The following COG5 variants were observed in gnomAD, a reference collection of about 807,000 sequenced individuals.
COG5 encodes the protein component of oligomeric golgi complex 5, also known as conserved oligomeric Golgi complex subunit 5.
COG5 carries 86 observed loss-of-function variants against 110.4 expected under a neutral mutation model. The ratio of observed to expected loss-of-function variants is 0.78; its 90% CI spans 0.65 to 0.93. The LOEUF is 0.93. Ranked by LOEUF, COG5 falls within the 40% of genes least tolerant of loss-of-function variation. COG5 has a pLI of 0.00. For synonymous variants in COG5, 360 were observed against 334.6 expected, an observed-to-expected ratio of 1.08 and a Z score of -0.83; for missense variants, 1,077 against 987.0, an observed-to-expected ratio of 1.09 and a Z score of -1.22.
chr7:107,385,986 TTTTG>T lies in COG5; in HGVS notation c.670-13230_670-13227del, dbSNP rs1200482477. On this transcript the variant is annotated intron_variant, in intron 7 of 21. Transcript: ENST00000297135. The stretch of plus-strand genomic sequence containing the variant: ...GTCTTTTGCCCAGCTTTAAACCAGG[TTTTG>T]TGTGTGTGTGTGTGTGTGTGTGTGT... Among the ~76,000 whole-genome samples the T allele has an allele frequency of 1.7e-4, 9 of 51,448 alleles. No individual in the cohort carries two copies. In the East Asian group the frequency reaches 3.9e-3, roughly 23 times the overall value. 33.8% of individuals were successfully genotyped at this position (51,448 alleles called of 152,430 possible).
intron 11 of COG5, among the ~76,000 whole-genome samples, chr7:107,318,643 T>C (rs547073920): frequency 1.3e-5 from 2 of 152,332 alleles, no homozygotes; most frequent in African/African-American, 2.4e-5. Context: ...GACTTGCTGA[T>C]GGCCTCCCTC....
intron 14 of COG5, among the ~76,000 whole-genome samples, chr7:107,259,714 T>C (rs1803176007): frequency 6.6e-6 from 1 of 152,184 alleles, no homozygotes; most frequent in Admixed American, 6.5e-5. Context: ...CAATCAATTT[T>C]GAAGAACAAA....
intron 10 of COG5, among the ~76,000 whole-genome samples, chr7:107,325,490 A>G (rs1417068492): frequency 1.3e-5 from 2 of 152,136 alleles, no homozygotes; most frequent in African/African-American, 4.8e-5. Flanking sequence ...GTCTCTACTA[A>G]AAATACAAAA....
intron 11 of COG5, among the ~76,000 whole-genome samples, chr7:107,318,168 C>T (rs1808928334): frequency 6.6e-6 from 1 of 152,104 alleles, no homozygotes; most frequent in Non-Finnish European, 1.5e-5. Context: ...GCTGGGACTA[C>T]AGACGCGTGC....
intron 19 of COG5, among the ~76,000 whole-genome samples, chr7:107,225,056 G>A (rs140727962): frequency 1.3e-5 from 2 of 152,318 alleles, no homozygotes; most frequent in East Asian, 1.9e-4. Context: ...GTATGAGGGC[G>A]TGTGCATGTG....
chr7:107,349,623 T>G (rs1022195633), intron 10 of COG5, among the ~76,000 whole-genome samples: 1 of 152,110 alleles, frequency 6.6e-6, no homozygotes, highest in Admixed American at 6.5e-5. Context: ...GGTGGTCCGA[T>G]CTCGGCTCAC....
At chr7:107,494,502 A>G (rs1798153200) in intron 6 of COG5, among the ~76,000 whole-genome samples, 1 of 152,188 alleles carries the variant, frequency 6.6e-6, no homozygotes, top group Non-Finnish European at 1.5e-5. Flanking sequence ...GTTTAGATAT[A>G]TTTAAGTAGA....
At chr7:107,500,100 G>T (rs1798544334) in intron 6 of COG5, among the ~76,000 whole-genome samples, 4 of 152,112 alleles carry the variant, frequency 2.6e-5, no homozygotes, top group Admixed American at 2.6e-4. Flanking sequence ...TGGAAACAAA[G>T]GAAGTGGGAA....
At chr7:107,208,662 G>C in intron 21 of COG5, 2 of 985,464 alleles carry the variant, frequency 2.0e-6, no homozygotes, top group Non-Finnish European at 2.4e-6. Context: ...ATTCACCGGG[G>C]CTGGTAACCT....
At chr7:107,258,730 G>A (rs114330514) in intron 14 of COG5, 2,384 of 212,496 alleles carry the variant, frequency 0.011, 57 homozygotes, top group African/African-American at 0.052. Flanking sequence ...TAATAACATA[G>A]TAATCCTAAG....
intron 7 of COG5, among the ~76,000 whole-genome samples, chr7:107,400,794 C>A (rs1272636243): frequency 6.6e-6 from 1 of 151,934 alleles, no homozygotes; most frequent in Non-Finnish European, 1.5e-5. Flanking sequence ...TTGTTCACAA[C>A]AAGAGAATTT....
chr7:107,440,752 A>G (rs545569177), intron 6 of COG5, among the ~76,000 whole-genome samples: 111 of 152,250 alleles, frequency 7.3e-4, no homozygotes, highest in African/African-American at 2.6e-3. Context: ...GGTTCAGAGA[A>G]ATTCTGAGTT....
chr7:107,393,397 G>T (rs1790765055), intron 7 of COG5, among the ~76,000 whole-genome samples: 1 of 152,200 alleles, frequency 6.6e-6, no homozygotes, highest in African/African-American at 2.4e-5. Context: ...ACTCCAAGAA[G>T]ACACTTTCTC....
intron 14 of COG5, among the ~76,000 whole-genome samples, chr7:107,272,471 C>T (rs1328043055): frequency 2.0e-5 from 3 of 152,142 alleles, no homozygotes; most frequent in South Asian, 2.1e-4. Context: ...TCATCAGGAC[C>T]TCCTGAGGCT....
intron 6 of COG5, among the ~76,000 whole-genome samples, chr7:107,502,880 T>C (rs187947568): frequency 2.0e-5 from 3 of 152,284 alleles, no homozygotes; most frequent in Admixed American, 2.0e-4. Flanking sequence ...TTCTTGCTGA[T>C]TTGAGTTCCC....
intron 6 of COG5, among the ~76,000 whole-genome samples, chr7:107,467,362 TA>T (rs1315126390): frequency 6.6e-6 from 1 of 152,104 alleles, no homozygotes; most frequent in African/African-American, 2.4e-5. Context: ...AAATTATTAT[TA>T]TTTTTTTTTT....
At chr7:107,417,496 T>C (rs1304783018) in intron 6 of COG5, among the ~76,000 whole-genome samples, 4 of 152,170 alleles carry the variant, frequency 2.6e-5, no homozygotes, top group Admixed American at 6.5e-5. Flanking sequence ...ATATTTGTTA[T>C]CATAAATGAC....
intron 10 of COG5, among the ~76,000 whole-genome samples, chr7:107,358,343 T>C (rs1315150162): frequency 6.6e-6 from 1 of 152,216 alleles, no homozygotes; most frequent in Non-Finnish European, 1.5e-5. Context: ...CAAGTATAGT[T>C]GTTTGTCTGT....
intron 19 of COG5, among the ~76,000 whole-genome samples, chr7:107,221,482 T>C (rs1372540503): frequency 6.6e-6 from 1 of 151,866 alleles, no homozygotes; most frequent in Non-Finnish European, 1.5e-5. Context: ...TTAACTTTCT[T>C]GGCCAGGTGT....
Sources: gnomAD v4.1 joint callset for allele counts (sites outside exome capture counted in the v4.1 genomes callset) on GRCh38, gnomAD v4.1.1 for gene constraint, MANE v1.5 for transcripts, NCBI Gene and HGNC (gene_info 2026-07-23, HGNC 2026-07-21) for gene names.